The following KMO variants were observed in gnomAD, a reference collection of about 807,000 sequenced individuals.
KMO encodes the protein kynurenine 3-monooxygenase, also known as kynurenine 3-hydroxylase.
In KMO, 24 loss-of-function variants were observed where a neutral mutation model predicts 57.8. The observed-to-expected ratio is 0.42, with a 90% CI of 0.30 to 0.58. The LOEUF (loss-of-function observed/expected upper bound fraction) is 0.58. Among genes scored for constraint, KMO ranks in the 20% least tolerant of loss-of-function variants. KMO has a pLI of 0.22. For missense variants in KMO, 483 were observed against 588.2 expected, an observed-to-expected ratio of 0.82 and a Z score of 1.85; for synonymous variants, 210 against 193.6, an observed-to-expected ratio of 1.08 and a Z score of -0.70.
At chr1:241,564,865 G>A (rs1662015702) in intron 7 of KMO, 122 bp from the exon 8 acceptor site, 1 of 625,014 alleles carries the variant, frequency 1.6e-6, no homozygotes. Flanking sequence ...AGCAATAGAT[G>A]TGCGTATCAT....
intron 10 of KMO, among the ~76,000 whole-genome samples, chr1:241,574,224 T>A (rs577664044): frequency 4.6e-5 from 7 of 152,140 alleles, no homozygotes; most frequent in Non-Finnish European, 1.0e-4. Context: ...ACATTGATCT[T>A]TGGACTTCCT....
intron 11 of KMO, among the ~76,000 whole-genome samples, chr1:241,586,976 C>CA (rs1405486184): frequency 1.3e-5 from 2 of 152,130 alleles, no homozygotes; most frequent in African/African-American, 4.8e-5. Flanking sequence ...GTGATTCACT[C>CA]AGAGATTAAA....
chr1:241,578,162 G>T (rs1662603170), intron 10 of KMO, among the ~76,000 whole-genome samples: 2 of 152,092 alleles, frequency 1.3e-5, no homozygotes, highest in African/African-American at 2.4e-5. Context: ...AAACTTCCAT[G>T]GGAGAAGCCC....
intron 1 of KMO, among the ~76,000 whole-genome samples, chr1:241,536,973 G>T (rs1407085357): frequency 6.6e-6 from 1 of 152,088 alleles, no homozygotes; most frequent in East Asian, 1.9e-4. Flanking sequence ...AAATGGTCTT[G>T]ATGCCAAACT....
At chr1:241,570,875 A>C (rs1201557621) in intron 10 of KMO, among the ~76,000 whole-genome samples, 1 of 152,196 alleles carries the variant, frequency 6.6e-6, no homozygotes, top group East Asian at 1.9e-4. Flanking sequence ...GCCTTGGGTA[A>C]TATGGACATT....
chr1:241,562,332 T>A lies in KMO; in HGVS notation c.615T>A (p.Asp205Glu). Residue 205 changes from aspartate (D) to glutamate (E), a missense_variant and splice_region_variant, in exon 7 of 15, where the codon GAT becomes GAA. This residue lies in a region of KMO where 410 missense variants were observed against 492.3 expected (regional missense o/e 0.83). Transcript: ENST00000366559. ...TGACTATTCCACCTAAGAACGGAGA[T>A]GTAAGTCCTTGCCCTTTTTCAACCC... ...MELTIPPKNG[D>E]YAMEPNYLHI... 2 of 1,613,894 alleles carry A rather than the reference T, an allele frequency of 1.2e-6. No individual in the cohort carries two copies. The highest frequency in any genetic ancestry group is 1.7e-6 in the Non-Finnish European group (2 of 1,179,834).
intron 13 of KMO, 40 bp from the exon 14 acceptor site, chr1:241,590,164 T>C (rs1224411182): frequency 6.2e-7 from 1 of 1,608,246 alleles, no homozygotes; most frequent in South Asian, 1.1e-5. Context: ...TGTTTAGCTG[T>C]TAAAGAATAC....
At chr1:241,553,767 T>C (rs1661500356) in intron 4 of KMO, among the ~76,000 whole-genome samples, 1 of 152,230 alleles carries the variant, frequency 6.6e-6, no homozygotes, top group African/African-American at 2.4e-5. Context: ...GCAAGTTTGA[T>C]TTCTGTTGAA....
rs538689529 is a variant in KMO at position 241,542,666 on chromosome 1, C to T, written c.55-6163C>T. 1.1e-4 allele frequency among the ~76,000 whole-genome samples: 17 copies of T among 152,328 alleles called. No homozygotes were observed. The South Asian group carries it at 3.5e-3, about 32-fold the overall frequency. On this transcript the variant is annotated intron_variant, in intron 1 of 14. Transcript: ENST00000366559. ...AGAATCAAAAAATAGTTTTGTTTCT[C>T]CCAGCTGTCTAACCCTGCCCAATTT...
At position 241,576,492 on chromosome 1, in the gene KMO, C is replaced by A. The variant is rs187754712; in HGVS notation, c.957+7845C>A. ...TTCCCTCAGCATTTGTCTGAAAATG[C>A]CTTTATCTCTCCTTCATTTATGAAA... is the stretch of plus-strand genomic sequence containing the variant. On this transcript the variant is annotated intron_variant, in intron 10 of 14. Coordinates refer to ENST00000366559, the MANE Select transcript of KMO (RefSeq NM_003679.5). 2.4e-4 allele frequency among the ~76,000 whole-genome samples: 36 copies of A among 152,152 alleles called. No individual in the cohort carries two copies. The East Asian group carries it at 6.2e-3, about 26-fold the overall frequency.
intron 10 of KMO, among the ~76,000 whole-genome samples, chr1:241,574,712 T>A (rs1435666812): frequency 1.3e-5 from 2 of 152,100 alleles, no homozygotes; most frequent in East Asian, 3.9e-4. Context: ...ATCAGGGATG[T>A]TTGTTGGTAG....
intron 5 of KMO, 108 bp from the exon 6 acceptor site, chr1:241,560,556 TA>T (rs1450733235): frequency 5.3e-6 from 4 of 755,660 alleles, no homozygotes; most frequent in Non-Finnish European, 9.2e-6. Context: ...TTGTTATGAA[TA>T]AAATTCTCTA....
Position 241,550,925 on chromosome 1 carries a change from T to C in KMO, c.223-30T>C, listed in dbSNP as rs1331834470. The stretch of plus-strand genomic sequence containing the variant: ...CTTGCATAATGCCATGTTACTGTCA[T>C]TGAAGTCAATATTTCTGGTTTCATT... On this transcript the variant is annotated intron_variant, in intron 3 of 14. Transcript: ENST00000366559. 2.8e-6 allele frequency: 3 copies of C among 1,054,678 alleles called. No individual in the cohort carries two copies. The Admixed American group carries it at 8.0e-5, about 28-fold the overall frequency. 65.3% of individuals were successfully genotyped at this position (1,054,678 alleles called of 1,614,324 possible). A position where few individuals can be genotyped will look rare whatever the true frequency, so the allele number is the denominator to read the frequency against.
At chr1:241,566,767 G>A (rs1192038844) in intron 9 of KMO, among the ~76,000 whole-genome samples, 155 bp downstream of exon 9, 2 of 152,180 alleles carry the variant, frequency 1.3e-5, no homozygotes, top group Non-Finnish European at 2.9e-5. Context: ...AGTGGATATT[G>A]TGCTGTGAGC....
chr1:241,561,961 T>C (rs1241230307), intron 6 of KMO: 1 of 548,292 alleles, frequency 1.8e-6, no homozygotes, highest in African/African-American at 1.9e-5. Flanking sequence ...CAATATGGTG[T>C]TGTGCTATTC....
At chr1:241,576,934 T>G (rs762463475) in intron 10 of KMO, among the ~76,000 whole-genome samples, 10 of 152,174 alleles carry the variant, frequency 6.6e-5, no homozygotes, top group Non-Finnish European at 1.2e-4. Flanking sequence ...TCATTTCTTT[T>G]GATTATATTT....
At chr1:241,550,896 C>A in intron 3 of KMO, 59 bp from the exon 4 acceptor site, 1 of 770,776 alleles carries the variant, frequency 1.3e-6, no homozygotes. Context: ...CAACTTCTAT[C>A]TTTCTTGCAT....
chr1:241,581,181 C>T (rs1030915793), intron 10 of KMO, among the ~76,000 whole-genome samples: 4 of 151,988 alleles, frequency 2.6e-5, no homozygotes, highest in South Asian at 4.1e-4. Context: ...CTTGGAATAT[C>T]TTTTTCCATC....
At position 241,549,252 on chromosome 1, in the gene KMO, A is replaced by AGACG. The variant is rs1553346333; in HGVS notation, c.124+356_124+357insCGGA. Among the ~76,000 whole-genome samples, 5 of 17,374 alleles carry AGACG rather than the reference A, an allele frequency of 2.9e-4. 1 individual carries two copies. Among genetic ancestry groups the AGACG allele is most frequent in the South Asian group, 1.7e-3 (1 of 584 alleles). The allele number at this position is 17,374 out of a possible 152,430, so 11.4% of individuals were successfully genotyped here. ...AAGAAAGAAAGAAAGAAAGAAAGAA[A>AGACG]GAAAGAAAGAAAGAAAGGAAGGAAG... On this transcript the variant is annotated intron_variant, in intron 2 of 14. Coordinates refer to ENST00000366559, the MANE Select transcript of KMO (RefSeq NM_003679.5).
Sources: allele counts gnomAD v4.1 joint callset (sites outside exome capture counted in the v4.1 genomes callset), GRCh38; gene constraint gnomAD v4.1.1; regional missense constraint gnomAD v4.1.1; transcripts MANE v1.5; gene names NCBI Gene and HGNC (gene_info 2026-07-23, HGNC 2026-07-21).